SLC20A1: variants seen among roughly 807,000 people sequenced by gnomAD.
SLC20A1 encodes sodium-dependent phosphate transporter 1.
In SLC20A1, 28 loss-of-function variants were observed where a neutral mutation model predicts 62.7. That is an observed-to-expected ratio of 0.45 (90% confidence interval 0.33 to 0.61). The LOEUF (loss-of-function observed/expected upper bound fraction) is 0.61, where lower values mean the gene tolerates loss of function less well. Among genes scored for constraint, SLC20A1 ranks in the 20% least tolerant of loss-of-function variants. The pLI, the probability that SLC20A1 is intolerant of heterozygous loss-of-function variation, is 0.02. For missense variants in SLC20A1, 673 were observed against 838.6 expected (o/e 0.80, Z 2.44); for synonymous variants, 305 against 302.9 (o/e 1.01, Z -0.07).
chr2:112,661,089 C>G, intron 9 of SLC20A1, 53 bp from the exon 10 acceptor site: 1 of 1,351,168 alleles, frequency 7.4e-7, no homozygotes. Flanking sequence ...GTAGTGTTAG[C>G]TTCTCAAAAA....
At chr2:112,657,365 G>T in intron 6 of SLC20A1, 124 bp downstream of exon 6, 4 of 1,019,370 alleles carry the variant, frequency 3.9e-6, no homozygotes, top group Non-Finnish European at 5.6e-6. Context: ...GGAAATTTGA[G>T]GATATGGGTT....
chr2:112,659,563 G>A lies in SLC20A1; in HGVS notation c.1408G>A (p.Ala470Thr), dbSNP rs1686693580. Reference sequence around the variant, plus strand: ...GGACAGTTACACCAGTTACTGCAATGCTGTGTCTGACCTTCACTCAGCATC... The same window carrying A: ...GGACAGTTACACCAGTTACTGCAATACTGTGTCTGACCTTCACTCAGCATC... ...RMDSYTSYCN[A>T]VSDLHSASEI... Residue 470 changes from alanine to threonine, a missense_variant, in exon 8 of 11, where the codon GCT becomes ACT. Coordinates refer to ENST00000272542, the MANE Select transcript of SLC20A1 (RefSeq NM_005415.5). 1 of 1,614,246 alleles carries A rather than the reference G, an allele frequency of 6.2e-7. No individual in the cohort carries two copies. Among genetic ancestry groups the A allele is most frequent in the Non-Finnish European group, 8.5e-7 (1 of 1,180,040 alleles).
rs1686805739 is a variant in SLC20A1, at chr2:112,663,485, A to G, written c.*460A>G. On this transcript the variant is annotated 3_prime_UTR_variant, in exon 11 of 11. Coordinates refer to ENST00000272542, the MANE Select transcript of SLC20A1 (RefSeq NM_005415.5). ...AAAATATAACTACAACTTCCCTTGT[A>G]GTCTCTTATATAAGTAGAGTCCTTG... 9.7e-6 allele frequency: 3 copies of G among 309,364 alleles called. No homozygotes were observed. Among genetic ancestry groups the G allele is most frequent in the South Asian group, 8.5e-5 (3 of 35,412 alleles). The allele number at this position is 309,364 out of a possible 1,614,324, so 19.2% of individuals were successfully genotyped here.
At position 112,647,654 on chromosome 2, in the gene SLC20A1, G is replaced by A. The variant is rs1480601164; in HGVS notation, c.477G>A (p.Val159=). ...TTTTCTTAATGTGTTCTATTCCAGT[G>A]ATGTCTTGGTTCGTGTCCCCACTGC... The part of the protein sequence containing the change: ...GVKWSELIKI[V]MSWFVSPLLS... The change falls in exon 4 of 11, where the codon GTG becomes GTA. Residue 159 remains valine (V), a splice_region_variant and synonymous_variant. Coordinates refer to ENST00000272542, the MANE Select transcript of SLC20A1 (RefSeq NM_005415.5). 1.9e-6 allele frequency: 3 copies of A among 1,612,246 alleles called. No homozygotes were observed. Among genetic ancestry groups the A allele is most frequent in the Admixed American group, 3.3e-5 (2 of 60,000 alleles).
chr2:112,658,071 G>A (rs775927069), intron 6 of SLC20A1, among the ~76,000 whole-genome samples: 10 of 152,262 alleles, frequency 6.6e-5, no homozygotes, highest in Non-Finnish European at 1.2e-4. Context: ...CCTCCGAGAG[G>A]TTCTGTGCTA....
At chr2:112,652,273 C>T (rs1280793286) in intron 4 of SLC20A1, 1 of 171,094 alleles carries the variant, frequency 5.8e-6, no homozygotes, top group East Asian at 1.7e-4. Context: ...TACGCATAGT[C>T]TGCATGTTGT....
chr2:112,647,743 C>T lies in SLC20A1; in HGVS notation c.561+5C>T. 2.5e-6 allele frequency: 4 copies of T among 1,606,932 alleles called. No homozygotes were observed. The highest frequency in any genetic ancestry group is 2.6e-6 in the Non-Finnish European group (3 of 1,173,470). ...CGTGCATTCATCCTCCATAAGGTAACCTTTCTCCCCCGTATGAAGACCTTT... is the reference window on the plus strand; with the variant it reads ...CGTGCATTCATCCTCCATAAGGTAATCTTTCTCCCCCGTATGAAGACCTTT... On this transcript the variant is annotated splice_donor_5th_base_variant and intron_variant, in intron 4 of 10. Coordinates refer to ENST00000272542, the MANE Select transcript of SLC20A1 (RefSeq NM_005415.5).
Position 112,658,805 on chromosome 2 carries a change from A to AC in SLC20A1, c.779-14dup, listed in dbSNP as rs750155417. The AC allele has an allele frequency of 1.9e-6, 3 of 1,580,126 alleles. No individual in the cohort carries two copies. The highest frequency in any genetic ancestry group is 1.4e-5 in the African/African-American group (1 of 73,032). ...TATGGCCACAACCAAACCAAAAAAG[A>AC]CCCCCCTTTTTTTTCCTAGGAGAAA... is the stretch of plus-strand genomic sequence containing the variant. On this transcript the variant is annotated intron_variant, in intron 6 of 10. Coordinates refer to ENST00000272542, the MANE Select transcript of SLC20A1 (RefSeq NM_005415.5).
chr2:112,647,866 G>T lies in SLC20A1; in HGVS notation c.561+128G>T, dbSNP rs922121622. The T allele has an allele frequency of 1.7e-5, 13 of 750,240 alleles. No homozygotes were observed. In the South Asian group the frequency reaches 2.1e-4, roughly 12 times the overall value. 46.5% of individuals were successfully genotyped at this position (750,240 alleles called of 1,614,324 possible). On this transcript the variant is annotated intron_variant, in intron 4 of 10. Transcript: ENST00000272542. ...CTTGGAAAATTTTAAAAAGCTCTTT[G>T]TTCTGTGCATTTCTTGTATGTTGTG...
At chr2:112,654,768 C>T (rs1032870705) in intron 5 of SLC20A1, among the ~76,000 whole-genome samples, 2 of 151,660 alleles carry the variant, frequency 1.3e-5, no homozygotes, top group South Asian at 4.1e-4. Flanking sequence ...CAGTGGCAGG[C>T]GCCTGTAATC....
chr2:112,650,359 GT>G (rs1219285036), intron 4 of SLC20A1, among the ~76,000 whole-genome samples: 3 of 148,252 alleles, frequency 2.0e-5, no homozygotes, highest in African/African-American at 5.0e-5. Flanking sequence ...TTGAGACGGA[GT>G]CTCACTCTGT....
intron 4 of SLC20A1, among the ~76,000 whole-genome samples, chr2:112,649,111 G>A (rs994091528): frequency 2.0e-5 from 3 of 152,158 alleles, no homozygotes; most frequent in Admixed American, 6.5e-5. Context: ...CTTATTCCCC[G>A]GAAGGGGAAT....
In SLC20A1 at chr2:112,658,852, G is replaced by A; in HGVS notation, c.806G>A (p.Ser269Asn). Residue 269 changes from serine (S) to asparagine (N), a missense_variant, in exon 7 of 11, where the codon AGC (serine) becomes AAC (asparagine). Physicochemically the swap from Ser to Asn is conservative, Grantham distance 46. Coordinates refer to ENST00000272542, the MANE Select transcript of SLC20A1 (RefSeq NM_005415.5). ...GAAATAAAGTGTAGTCCTTCTGAAA[G>A]CCCCTTAATGGAAAAAAAGAATAGC... ...EREIKCSPSE[S>N]PLMEKKNSLK... The A allele has an allele frequency of 1.2e-6, 2 of 1,612,180 alleles. No homozygotes were observed. The highest frequency in any genetic ancestry group is 1.3e-5 in the African/African-American group (1 of 74,852).
chr2:112,647,604 T>C (rs768774532), intron 3 of SLC20A1, 49 bp from the exon 4 acceptor site: 1 of 1,595,772 alleles, frequency 6.3e-7, no homozygotes, highest in East Asian at 2.2e-5. Flanking sequence ...TGGTTTTTGG[T>C]TTCTGATTTT....
Position 112,663,229 on chromosome 2 carries a change from T to G in SLC20A1, c.*204T>G. On this transcript the variant is annotated 3_prime_UTR_variant, in exon 11 of 11. Transcript: ENST00000272542. ...AATTAGCTGTGTAAAATAGCCCGGG[T>G]TCCACTGGCTCCTGCTGAGGTCCCC... 3 of 654,384 alleles carry G rather than the reference T, an allele frequency of 4.6e-6. No individual in the cohort carries two copies. Among genetic ancestry groups the G allele is most frequent in the Non-Finnish European group, 8.6e-6 (3 of 350,410 alleles). The allele number at this position is 654,384 out of a possible 1,614,324, so 40.5% of individuals were successfully genotyped here. A position where few individuals can be genotyped will look rare whatever the true frequency, so the allele number is the denominator to read the frequency against.
intron 10 of SLC20A1, among the ~76,000 whole-genome samples, chr2:112,662,397 T>C (rs1686773479): frequency 6.6e-6 from 1 of 151,950 alleles, no homozygotes; most frequent in Non-Finnish European, 1.5e-5. Flanking sequence ...CTGGCCAACA[T>C]AGTGAAACCC....
rs544956274 is a variant in SLC20A1, at chr2:112,659,994, A to G, written c.1607+232A>G. ...TGATAAATATAAACAGATACTCTTC[A>G]CAGAGAAGGCTTTTGTCCATCAAGA... On this transcript the variant is annotated intron_variant, in intron 8 of 10. Transcript: ENST00000272542. 5.3e-5 allele frequency among the ~76,000 whole-genome samples: 8 copies of G among 152,366 alleles called. No homozygotes were observed. In the South Asian group the frequency reaches 1.4e-3, roughly 28 times the overall value.
At position 112,662,830 on chromosome 2, in the gene SLC20A1, A is replaced by G. The variant is rs757205639; in HGVS notation, c.1879-34A>G. The G allele has an allele frequency of 3.7e-6, 6 of 1,609,384 alleles. No individual in the cohort carries two copies. The African/African-American group carries it at 8.1e-5, about 22-fold the overall frequency. Reference sequence around the variant, plus strand: ...TTTGCCAGAATACCACTGGCACTTCAATAACCTGTTTCCTTGGTCTGCTTC... The same window carrying G: ...TTTGCCAGAATACCACTGGCACTTCGATAACCTGTTTCCTTGGTCTGCTTC... On this transcript the variant is annotated intron_variant, in intron 10 of 10. Coordinates refer to ENST00000272542, the MANE Select transcript of SLC20A1 (RefSeq NM_005415.5).
intron 6 of SLC20A1, 21 bp downstream of exon 6, chr2:112,657,262 A>C (rs1408730350): frequency 6.2e-7 from 1 of 1,606,366 alleles, no homozygotes; most frequent in African/African-American, 1.3e-5. Context: ...ACTAAACAGC[A>C]GAAAAGTTTA....
Sources: gnomAD v4.1 joint callset for allele counts (sites outside exome capture counted in the v4.1 genomes callset) on GRCh38, gnomAD v4.1.1 for gene constraint, MANE v1.5 for transcripts, NCBI Gene and HGNC (gene_info 2026-07-23, HGNC 2026-07-21) for gene names.